Variants in ABL1 observed in about 807,000 individuals in gnomAD.
ABL1 encodes the protein ABL proto-oncogene 1, non-receptor tyrosine kinase.
ABL1 carries 11 observed loss-of-function variants against 94.7 expected under a neutral mutation model. That is an observed-to-expected ratio of 0.12 (90% CI 0.07 to 0.19). The LOEUF is 0.19. ABL1 is among the 10% of genes least tolerant of loss of function. ABL1 has a pLI of 1.00. For synonymous variants in ABL1, 656 were observed against 622.4 expected (o/e 1.05, Z -0.80); for missense variants, 1,082 against 1,489.4 (o/e 0.73, Z 4.50).
chr9:130,797,878 A>G (rs1255403714), intron 1 of ABL1, among the ~76,000 whole-genome samples: 1 of 152,126 alleles, frequency 6.6e-6, no homozygotes, highest in Non-Finnish European at 1.5e-5. Flanking sequence ...TTCTGTTTCC[A>G]AGAACACGGA....
In ABL1 at chr9:130,814,452, T is replaced by C. The variant is rs977254927; in HGVS notation, c.137-39612T>C. On this transcript the variant is annotated intron_variant, in intron 1 of 10. Coordinates refer to the ABL1 transcript ENST00000372348. This position sits in a 1 kb window ranked among gnomAD's most constrained non-coding sequence, Gnocchi z 4.4. ...AGGGGAAAAAAGGGAAGACAATAAC[T>C]GTAATATCAGCAGTGAAAGAGATGA... 6.6e-6 allele frequency among the ~76,000 whole-genome samples: 1 copy of C among 152,198 alleles called. No individual in the cohort carries two copies. Among genetic ancestry groups the C allele is most frequent in the Non-Finnish European group, 1.5e-5 (1 of 68,032 alleles).
chr9:130,739,506 C>T (rs1831790332), intron 1 of ABL1, among the ~76,000 whole-genome samples: 1 of 151,938 alleles, frequency 6.6e-6, no homozygotes, highest in Admixed American at 6.6e-5. Flanking sequence ...GTAAATTATT[C>T]AATCAAGGAA....
At chr9:130,767,801 G>A (rs1241887214) in intron 1 of ABL1, among the ~76,000 whole-genome samples, 1 of 152,190 alleles carries the variant, frequency 6.6e-6, no homozygotes, top group African/African-American at 2.4e-5. Context: ...TCACAAATAG[G>A]ACATCTCTTT....
chr9:130,760,136 T>C (rs1265206423), intron 1 of ABL1, among the ~76,000 whole-genome samples: 1 of 152,036 alleles, frequency 6.6e-6, no homozygotes, highest in Non-Finnish European at 1.5e-5. Context: ...TTTAACCTGG[T>C]TGAAATGTGG....
chr9:130,835,029 G>A (rs1830542073), upstream of ABL1: 2 of 329,634 alleles, frequency 6.1e-6, no homozygotes, highest in African/African-American at 2.2e-5. The surrounding 1 kb of genome is among the most constrained non-coding windows in gnomAD (Gnocchi z 4.6). Flanking sequence ...CTGGGACGGC[G>A]CTTCCAGGCG....
chr9:130,732,565 A>G (rs1450337046), intron 1 of ABL1, among the ~76,000 whole-genome samples: 1 of 152,240 alleles, frequency 6.6e-6, no homozygotes, highest in East Asian at 1.9e-4. Context: ...GGAAATGACT[A>G]ACAGCTGCTT....
intron 3 of ABL1, among the ~76,000 whole-genome samples, chr9:130,858,749 G>A (rs1831015313): frequency 1.3e-5 from 2 of 152,180 alleles, no homozygotes; most frequent in South Asian, 4.1e-4. Context: ...GAATAGGCTG[G>A]GGTTGAATAA....
chr9:130,804,749 C>T (rs1357073192), intron 1 of ABL1, among the ~76,000 whole-genome samples: 2 of 152,090 alleles, frequency 1.3e-5, no homozygotes, highest in Non-Finnish European at 2.9e-5. Context: ...GTTTAAATCA[C>T]GAGAAGTTAA....
In ABL1 at chr9:130,735,872, A is replaced by G. The variant is rs1020108306; in HGVS notation, c.136+21417A>G. Among the ~76,000 whole-genome samples, 7 of 143,298 alleles carry G rather than the reference A, an allele frequency of 4.9e-5. 1 individual carries two copies. Among genetic ancestry groups the G allele is most frequent in the Admixed American group, 2.1e-4 (3 of 14,212 alleles). The allele number at this position is 143,298 out of a possible 152,430, so 94.0% of individuals were successfully genotyped here. On this transcript the variant is annotated intron_variant, in intron 1 of 10. Coordinates refer to the ABL1 transcript ENST00000372348. ...GGATTCTACTTGGTAGATAGCTACC[A>G]TTTTGCGTATGTCTGTGTGTATATA...
intron 1 of ABL1, among the ~76,000 whole-genome samples, chr9:130,735,961 A>ATATATATATATATT (rs573602038): frequency 4.2e-5 from 4 of 94,844 alleles, no homozygotes; most frequent in Admixed American, 3.8e-4. Context: ...ATATATATAT[A>ATATATATATATATT]TTTTTTTTTT....
chr9:130,809,415 A>AGT (rs749953643), intron 1 of ABL1, among the ~76,000 whole-genome samples: 32 of 97,518 alleles, frequency 3.3e-4, no homozygotes, highest in African/African-American at 9.5e-4. Context: ...AGAGAGAGAG[A>AGT]GAGTGTGTGT....
At chr9:130,761,245 G>A (rs1389490796) in intron 1 of ABL1, among the ~76,000 whole-genome samples, 3 of 152,206 alleles carry the variant, frequency 2.0e-5, no homozygotes, top group African/African-American at 7.2e-5. Context: ...GGGATTACAG[G>A]CGTGAGCCAC....
chr9:130,769,241 A>T (rs1832221628), intron 1 of ABL1, among the ~76,000 whole-genome samples: 1 of 151,870 alleles, frequency 6.6e-6, no homozygotes, highest in South Asian at 2.1e-4. Flanking sequence ...TCGGTTATAG[A>T]GGAAAACAGT....
At chr9:130,777,169 T>C (rs192500136) in intron 1 of ABL1, among the ~76,000 whole-genome samples, 52 of 152,336 alleles carry the variant, frequency 3.4e-4, no homozygotes, top group Admixed American at 9.8e-4. Context: ...ATTATCTGTT[T>C]CCTTCAGGAT....
At chr9:130,776,125 T>C (rs1206539243) in intron 1 of ABL1, among the ~76,000 whole-genome samples, 4 of 151,900 alleles carry the variant, frequency 2.6e-5, no homozygotes, top group Non-Finnish European at 5.9e-5. Flanking sequence ...GAAAGAATAG[T>C]GAGGGAAAAG....
At chr9:130,793,230 G>T (rs1471391341) in intron 1 of ABL1, among the ~76,000 whole-genome samples, 2 of 152,150 alleles carry the variant, frequency 1.3e-5, no homozygotes, top group Non-Finnish European at 2.9e-5. Context: ...CTGGCCAAGG[G>T]TAATACTTTT....
At chr9:130,859,829 C>T (rs573294078) in intron 3 of ABL1, among the ~76,000 whole-genome samples, 1 of 151,680 alleles carries the variant, frequency 6.6e-6, no homozygotes, top group Non-Finnish European at 1.5e-5. Context: ...TACAGGTGCC[C>T]ACCAGCATGC....
intron 1 of ABL1, among the ~76,000 whole-genome samples, chr9:130,846,736 G>C (rs1231927785): frequency 6.6e-6 from 1 of 152,206 alleles, no homozygotes; most frequent in Non-Finnish European, 1.5e-5. Context: ...GGGGTTCATG[G>C]GCATTTCCCT....
At chr9:130,763,421 T>C (rs987185214) in intron 1 of ABL1, among the ~76,000 whole-genome samples, 8 of 152,168 alleles carry the variant, frequency 5.3e-5, no homozygotes, top group African/African-American at 1.9e-4. Flanking sequence ...GGCTATAATA[T>C]TAAAAAGGAC....
Sources: gnomAD v4.1 joint callset for allele counts (sites outside exome capture counted in the v4.1 genomes callset) on GRCh38, gnomAD v4.1.1 for gene constraint, Gnocchi (gnomAD v3.1) non-coding constraint, MANE v1.5 for transcripts, NCBI Gene and HGNC (gene_info 2026-07-23, HGNC 2026-07-21) for gene names.